The following MYCBP variants were observed in gnomAD, a reference collection of about 807,000 sequenced individuals.
MYCBP encodes the protein MYC binding protein, also known as C-Myc-binding protein.
Under a neutral mutation model 16.8 loss-of-function variants are expected in MYCBP, and 5 were observed. That is an observed-to-expected ratio of 0.30 (90% CI 0.16 to 0.63). MYCBP has a LOEUF of 0.63. MYCBP is among the 20% of genes least tolerant of loss of function. MYCBP has a pLI of 0.83. For missense variants in MYCBP, 103 were observed against 121.8 expected (o/e 0.85, Z 0.73); for synonymous variants, 35 against 43.7 (o/e 0.80, Z 0.79).
At chr1:38,872,914 C>T in intron 2 of MYCBP, 104 bp downstream of exon 2, 1 of 1,329,286 alleles carries the variant, frequency 7.5e-7, no homozygotes, top group Non-Finnish European at 1.0e-6. Context: ...CGGACGGGCC[C>T]CATCTGTTTC....
rs1295464367 is a variant in MYCBP at position 38,862,708 on chromosome 1, C to G, written c.*1962G>C. 1.3e-5 allele frequency among the ~76,000 whole-genome samples: 2 copies of G among 152,174 alleles called. No individual in the cohort carries two copies. Among genetic ancestry groups the G allele is most frequent in the African/African-American group, 4.8e-5 (2 of 41,440 alleles). The stretch of plus-strand genomic sequence containing the variant: ...AGGACCTCTAGAGGCTAAGCTTATC[C>G]TGAATTCTTAAATAGCACTGACTGT... On this transcript the variant is annotated 3_prime_UTR_variant, in exon 5 of 5. Transcript: ENST00000397572.
chr1:38,867,633 A>G, intron 2 of MYCBP, 23 bp from the exon 3 acceptor site: 1 of 1,609,834 alleles, frequency 6.2e-7, no homozygotes, highest in Non-Finnish European at 8.5e-7. Flanking sequence ...AAGCAGAAAA[A>G]GCAACAATTG....
chr1:38,871,884 G>A (rs905921274), intron 2 of MYCBP, among the ~76,000 whole-genome samples: 1 of 152,110 alleles, frequency 6.6e-6, no homozygotes, highest in Admixed American at 6.6e-5. Context: ...ACAGACACCT[G>A]AGTAAAATTA....
chr1:38,872,820 G>A (rs1642493999), intron 2 of MYCBP, among the ~76,000 whole-genome samples, 198 bp downstream of exon 2: 1 of 152,270 alleles, frequency 6.6e-6, no homozygotes, highest in Non-Finnish European at 1.5e-5. Context: ...GTGCGGAGAA[G>A]GGTAGCGGAG....
chr1:38,864,802 T>G (rs1165270327), intron 4 of MYCBP, 88 bp from the exon 5 acceptor site: 15 of 1,198,400 alleles, frequency 1.3e-5, no homozygotes, highest in Non-Finnish European at 1.7e-5. Flanking sequence ...ATATTCAACT[T>G]AGTTACTGTC....
rs1642270462 is a variant in MYCBP, at chr1:38,862,922, T to C, written c.*1748A>G. On this transcript the variant is annotated 3_prime_UTR_variant, in exon 5 of 5. Transcript: ENST00000397572. The stretch of plus-strand genomic sequence containing the variant: ...CCACAAAAAATTTTCAACCTGTATC[T>C]ACCAAGAAACTATCATACCAACTAA... 1.3e-5 allele frequency: 2 copies of C among 152,356 alleles called. No homozygotes were observed. Among genetic ancestry groups the C allele is most frequent in the South Asian group, 2.1e-4 (1 of 4,826 alleles). The allele number at this position is 152,356 out of a possible 1,614,324, so 9.4% of individuals were successfully genotyped here.
At chr1:38,862,492 C>A (rs1984482), downstream of MYCBP, among the ~76,000 whole-genome samples, 699 of 152,314 alleles carry the variant, frequency 4.6e-3, 5 homozygotes, top group African/African-American at 0.016. Flanking sequence ...TTGCAAGGCA[C>A]TTTTACATCC....
rs1202983593 is a variant in MYCBP at position 38,863,821 on chromosome 1, A to G, written c.*849T>C. 1 of 152,612 alleles carries G rather than the reference A, an allele frequency of 6.6e-6. No individual in the cohort carries two copies. The highest frequency in any genetic ancestry group is 1.9e-4 in the East Asian group (1 of 5,198). The allele number at this position is 152,612 out of a possible 1,614,324, so 9.5% of individuals were successfully genotyped here. On this transcript the variant is annotated 3_prime_UTR_variant, in exon 5 of 5. Coordinates refer to ENST00000397572, the MANE Select transcript of MYCBP (RefSeq NM_012333.5). Reference sequence around the variant, plus strand: ...AAAAGCACTATATAATTATACCTACAAACTATGATTTTCCCCAATATATGG... The same window carrying G: ...AAAAGCACTATATAATTATACCTACGAACTATGATTTTCCCCAATATATGG...
chr1:38,865,929 C>T (rs1175488491), intron 4 of MYCBP, among the ~76,000 whole-genome samples: 1 of 152,062 alleles, frequency 6.6e-6, no homozygotes, highest in Non-Finnish European at 1.5e-5. Flanking sequence ...AAGCAGTCGC[C>T]CCATATTGGC....
chr1:38,870,799 C>CAA lies in MYCBP; in HGVS notation c.88+2217_88+2218dup, dbSNP rs60684785. Among the ~76,000 whole-genome samples, 545 of 60,646 alleles carry CAA rather than the reference C, an allele frequency of 9.0e-3. 102 individuals carry two copies. Among genetic ancestry groups the CAA allele is most frequent in the African/African-American group, 0.022 (322 of 14,808 alleles). 39.8% of individuals were successfully genotyped at this position (60,646 alleles called of 152,430 possible). On this transcript the variant is annotated intron_variant, in intron 2 of 4. Coordinates refer to ENST00000397572, the MANE Select transcript of MYCBP (RefSeq NM_012333.5). Reference sequence around the variant, plus strand: ...TGGGCGACAGAGCGAGACTCCGTCTCAAAAAAAAAAAAAAAAAAAAAAAAA... The same window carrying CAA: ...TGGGCGACAGAGCGAGACTCCGTCTCAAAAAAAAAAAAAAAAAAAAAAAAAAA...
In MYCBP at chr1:38,866,946, T is replaced by C. The variant is rs767723629; in HGVS notation, c.201A>G (p.Leu67=). ...PENPEIELLR[L]ELAEMKEKYE... is the part of the protein sequence containing the mutation. Reference sequence around the variant, plus strand: ...ACTTCTCTTTCATTTCGGCCAGTTCTAGGCGAAGCAGCTCTATTTCTGGAT... The same window carrying C: ...ACTTCTCTTTCATTTCGGCCAGTTCCAGGCGAAGCAGCTCTATTTCTGGAT... The change falls in exon 4 of 5, where the codon CTA becomes CTG. Residue 67 remains leucine, a synonymous_variant. Transcript: ENST00000397572. 2.5e-6 allele frequency: 4 copies of C among 1,608,474 alleles called. No homozygotes were observed. The Admixed American group carries it at 6.8e-5, about 27-fold the overall frequency.
chr1:38,869,015 G>A (rs1171493729), intron 2 of MYCBP, among the ~76,000 whole-genome samples: 1 of 151,056 alleles, frequency 6.6e-6, no homozygotes, highest in East Asian at 1.9e-4. Flanking sequence ...TTCTTTTAGA[G>A]TTTTAATAAC....
chr1:38,863,697 A>T lies in MYCBP; in HGVS notation c.*973T>A, dbSNP rs1346586362. On this transcript the variant is annotated 3_prime_UTR_variant, in exon 5 of 5. Transcript: ENST00000397572. ...TGTATTAATATCAGTCTTTGGCCTA[A>T]AAATTCAGCACCCCTCTTCCCCTTA... The T allele has an allele frequency of 2.0e-5, 3 of 152,636 alleles. No homozygotes were observed. In the East Asian group the frequency reaches 5.8e-4, roughly 29 times the overall value. 9.5% of individuals were successfully genotyped at this position (152,636 alleles called of 1,614,324 possible). A position where few individuals can be genotyped will look rare whatever the true frequency, so the allele number is the denominator to read the frequency against.
chr1:38,868,769 G>A (rs1642393546), intron 2 of MYCBP, among the ~76,000 whole-genome samples: 2 of 152,094 alleles, frequency 1.3e-5, no homozygotes, highest in Admixed American at 6.6e-5. Flanking sequence ...AGCCAGGCGT[G>A]GTGGCGGGCG....
chr1:38,866,223 T>G (rs1230507027), intron 4 of MYCBP, among the ~76,000 whole-genome samples: 3 of 150,918 alleles, frequency 2.0e-5, no homozygotes, highest in Non-Finnish European at 2.9e-5. Context: ...TAATTTTGTA[T>G]TTTCAGTAGA....
At chr1:38,866,714 C>A (rs1642347963) in intron 4 of MYCBP, among the ~76,000 whole-genome samples, 166 bp downstream of exon 4, 2 of 152,188 alleles carry the variant, frequency 1.3e-5, no homozygotes, top group African/African-American at 4.8e-5. Flanking sequence ...CGTGCCAGGC[C>A]CGTCTTGTGG....
chr1:38,869,869 C>CA (rs57974251), intron 2 of MYCBP, among the ~76,000 whole-genome samples: 139 of 142,472 alleles, frequency 9.8e-4, no homozygotes, highest in African/African-American at 3.2e-3. Flanking sequence ...CCCAACTCTA[C>CA]AAAAAAAAAA....
chr1:38,870,819 A>C (rs904083402), intron 2 of MYCBP, among the ~76,000 whole-genome samples: 4 of 151,186 alleles, frequency 2.6e-5, no homozygotes, highest in African/African-American at 7.3e-5. Flanking sequence ...AAAAAAAAAA[A>C]AAAAAAAAAC....
Position 38,873,143 on chromosome 1 carries a change from A to C in MYCBP, c.16-53T>G, listed in dbSNP as rs1044610392. On this transcript the variant is annotated intron_variant, in intron 1 of 4. Coordinates refer to ENST00000397572, the MANE Select transcript of MYCBP (RefSeq NM_012333.5). Reference sequence around the variant, plus strand: ...AGAGCCCGGGAGCCGAGCAGGAAGAAGGCGCTGGGAGTCCGGCAACCCCGC... The same window carrying C: ...AGAGCCCGGGAGCCGAGCAGGAAGACGGCGCTGGGAGTCCGGCAACCCCGC... 5.2e-6 allele frequency: 8 copies of C among 1,551,588 alleles called. No individual in the cohort carries two copies. In the African/African-American group the frequency reaches 6.8e-5, roughly 13 times the overall value.
Sources: gnomAD v4.1 joint callset for allele counts (sites outside exome capture counted in the v4.1 genomes callset) on GRCh38, gnomAD v4.1.1 for gene constraint, MANE v1.5 for transcripts, NCBI Gene and HGNC (gene_info 2026-07-23, HGNC 2026-07-21) for gene names.